The following TLK1 variants were observed in gnomAD, a reference collection of about 807,000 sequenced individuals.
The protein encoded by TLK1 is serine/threonine-protein kinase tousled-like 1.
Under a neutral mutation model 105.3 loss-of-function variants are expected in TLK1, and 24 were observed. The observed-to-expected ratio is 0.23, with a 90% CI of 0.17 to 0.32. TLK1 has a LOEUF of 0.32. Ranked by LOEUF, TLK1 falls within the 10% of genes least tolerant of loss-of-function variation. The pLI, the probability that TLK1 is intolerant of heterozygous loss-of-function variation, is 1.00. For synonymous variants in TLK1, 321 were observed against 310.4 expected (o/e 1.03, Z -0.36); for missense variants, 558 against 910.5 (o/e 0.61, Z 4.98).
intron 1 of TLK1, among the ~76,000 whole-genome samples, chr2:171,193,095 T>G (rs1693186076): frequency 6.6e-6 from 1 of 152,220 alleles, no homozygotes; most frequent in Admixed American, 6.5e-5. Context: ...TTGTTGAAAT[T>G]AGCTCTTTAA....
At chr2:171,069,794 G>A (rs917522819) in intron 3 of TLK1, among the ~76,000 whole-genome samples, 1 of 152,170 alleles carries the variant, frequency 6.6e-6, no homozygotes, top group Non-Finnish European at 1.5e-5. Context: ...ATGTATTCGT[G>A]AATTCTAGGG....
chr2:171,039,137 T>C (rs1462294024), intron 11 of TLK1, among the ~76,000 whole-genome samples: 1 of 152,198 alleles, frequency 6.6e-6, no homozygotes, highest in Non-Finnish European at 1.5e-5. Flanking sequence ...TTGGGTGGTG[T>C]TTGCCTGTCT....
chr2:171,060,736 TTAAA>T (rs1687712925), intron 4 of TLK1, among the ~76,000 whole-genome samples: 1 of 152,182 alleles, frequency 6.6e-6, no homozygotes, highest in African/African-American at 2.4e-5. Context: ...AGCCTTTTTT[TTAAA>T]TAAATGGGAA....
In TLK1 at chr2:171,005,647, C is replaced by T. The variant is rs901299098; in HGVS notation, c.1904+500G>A. On this transcript the variant is annotated intron_variant, in intron 18 of 20. Coordinates refer to ENST00000431350, the MANE Select transcript of TLK1 (RefSeq NM_012290.5). ...GTTACTCAAGAGTAAGTGGGCAGAT[C>T]GCTTGAGCCTAGGAGTTTGAGGCTG... Among the ~76,000 whole-genome samples, 4 of 152,104 alleles carry T rather than the reference C, an allele frequency of 2.6e-5. No homozygotes were observed. In the East Asian group the frequency reaches 5.8e-4, roughly 22 times the overall value.
intron 2 of TLK1, among the ~76,000 whole-genome samples, chr2:171,116,271 A>G (rs1184200995): frequency 6.6e-6 from 1 of 152,242 alleles, no homozygotes; most frequent in African/African-American, 2.4e-5. Context: ...TATGAAGTCA[A>G]CAAGAAATCA....
intron 1 of TLK1, among the ~76,000 whole-genome samples, chr2:171,194,922 A>G (rs1693237410): frequency 6.6e-6 from 1 of 152,130 alleles, no homozygotes; most frequent in African/African-American, 2.4e-5. Context: ...TTGAAACACA[A>G]GGTTCTTGGC....
chr2:171,225,399 T>C lies in TLK1; in HGVS notation c.-6+5746A>G, dbSNP rs371784796. Among the ~76,000 whole-genome samples the C allele has an allele frequency of 1.1e-4, 17 of 151,952 alleles. 1 individual carries two copies. In the East Asian group the frequency reaches 1.5e-3, roughly 14 times the overall value. Reference sequence around the variant, plus strand: ...TAAAGATGCCTAACATCATTAGTCATCAGGGACTCAAAACCACAATGAGAT... The same window carrying C: ...TAAAGATGCCTAACATCATTAGTCACCAGGGACTCAAAACCACAATGAGAT... On this transcript the variant is annotated intron_variant, in intron 1 of 20. Coordinates refer to the TLK1 transcript ENST00000521943.
At chr2:171,101,195 A>T (rs897878740) in intron 2 of TLK1, among the ~76,000 whole-genome samples, 2 of 151,900 alleles carry the variant, frequency 1.3e-5, no homozygotes, top group Admixed American at 1.3e-4. Context: ...AAAATACAAA[A>T]ATTAGCCAGA....
At chr2:171,194,781 C>A (rs1043834916) in intron 1 of TLK1, among the ~76,000 whole-genome samples, 2 of 144,596 alleles carry the variant, frequency 1.4e-5, no homozygotes, top group Non-Finnish European at 3.0e-5. Flanking sequence ...CGCGCCACTG[C>A]ACTCCAGCCT....
At chr2:171,122,945 A>G (rs559594755) in intron 1 of TLK1, among the ~76,000 whole-genome samples, 2 of 151,962 alleles carry the variant, frequency 1.3e-5, no homozygotes, top group African/African-American at 4.8e-5. Flanking sequence ...AGGCTGAGGC[A>G]CAAGAATCAC....
rs143338952 is a variant in TLK1 at position 171,072,266 on chromosome 2, T to C, written c.330+10515A>G. 5.1e-3 allele frequency among the ~76,000 whole-genome samples: 772 copies of C among 152,330 alleles called. 6 individuals are homozygous for C. The highest frequency in any genetic ancestry group is 0.017 in the African/African-American group (718 of 41,586). ...TTCCATTTTTTTGCATACTCTTCAA[T>C]TTCTTGCATCAATGTTTTATAGTTT... On this transcript the variant is annotated intron_variant, in intron 3 of 20. Transcript: ENST00000431350.
At chr2:171,151,535 C>T (rs954410241) in intron 1 of TLK1, among the ~76,000 whole-genome samples, 6 of 139,702 alleles carry the variant, frequency 4.3e-5, no homozygotes, top group Non-Finnish European at 7.5e-5. Context: ...AGTGCAGTGG[C>T]GCCATCTCAG....
chr2:171,211,361 T>C (rs1693609398), intron 1 of TLK1, among the ~76,000 whole-genome samples: 1 of 152,232 alleles, frequency 6.6e-6, no homozygotes, highest in South Asian at 2.1e-4. Context: ...GTAAGTTCAC[T>C]TCCTCTTTCT....
At chr2:171,113,420 G>A (rs1257373913) in intron 2 of TLK1, among the ~76,000 whole-genome samples, 1 of 151,824 alleles carries the variant, frequency 6.6e-6, no homozygotes, top group East Asian at 1.9e-4. Context: ...ACAGGCACCC[G>A]CCACCATGCC....
At chr2:171,164,840 AC>A (rs1692577099), upstream of TLK1, among the ~76,000 whole-genome samples, 1 of 151,992 alleles carries the variant, frequency 6.6e-6, no homozygotes, top group Non-Finnish European at 1.5e-5. Context: ...ATAGATCAAG[AC>A]TGGGCACGGT....
At chr2:171,095,061 T>C (rs1207878593) in intron 2 of TLK1, among the ~76,000 whole-genome samples, 2 of 151,836 alleles carry the variant, frequency 1.3e-5, no homozygotes, top group African/African-American at 2.4e-5. Flanking sequence ...CAAAGGAAAT[T>C]AGAAAAAAAC....
chr2:171,204,829 G>A (rs1693471843), intron 1 of TLK1, among the ~76,000 whole-genome samples: 1 of 152,004 alleles, frequency 6.6e-6, no homozygotes, highest in African/African-American at 2.4e-5. Flanking sequence ...GTGGTGGCCG[G>A]TGCCTGTAAT....
chr2:171,145,719 A>G (rs1691767348), intron 1 of TLK1, among the ~76,000 whole-genome samples: 1 of 152,248 alleles, frequency 6.6e-6, no homozygotes, highest in Non-Finnish European at 1.5e-5. Context: ...AAAATGTAGT[A>G]CATTCACACA....
intron 1 of TLK1, among the ~76,000 whole-genome samples, chr2:171,215,325 G>A (rs916185487): frequency 7.2e-4 from 11 of 15,292 alleles, no homozygotes; most frequent in South Asian, 5.9e-3. Context: ...TCATAGGAAA[G>A]AGGATGGCTT....
Sources: gnomAD v4.1 joint callset for allele counts (sites outside exome capture counted in the v4.1 genomes callset) on GRCh38, gnomAD v4.1.1 for gene constraint, MANE v1.5 for transcripts, NCBI Gene and HGNC (gene_info 2026-07-23, HGNC 2026-07-21) for gene names.